MINDY3: variants seen among roughly 807,000 people sequenced by gnomAD.
MINDY3 encodes the protein ubiquitin carboxyl-terminal hydrolase MINDY-3.
A neutral mutation model predicts 69.2 loss-of-function variants in MINDY3; 38 were observed. That is an observed-to-expected ratio of 0.55 (90% CI 0.42 to 0.72). The LOEUF is 0.72. MINDY3 is among the 30% of genes least tolerant of loss of function. The pLI is 0.00. For missense variants in MINDY3, 522 were observed against 519.0 expected (o/e 1.01, Z -0.06); for synonymous variants, 192 against 180.1 (o/e 1.07, Z -0.53).
intron 13 of MINDY3, 64 bp from the exon 14 acceptor site, chr10:15,782,290 C>G: frequency 1.8e-6 from 2 of 1,122,310 alleles, no homozygotes; most frequent in Non-Finnish European, 2.6e-6. Context: ...TTCTAATCAA[C>G]TGAAAGTAAA....
chr10:15,820,882 G>C (rs1344502056), intron 9 of MINDY3, among the ~76,000 whole-genome samples: 1 of 152,138 alleles, frequency 6.6e-6, no homozygotes, highest in African/African-American at 2.4e-5. Context: ...AGCCAAGGTA[G>C]GAGAATAACT....
chr10:15,843,343 A>T, intron 2 of MINDY3, 71 bp from the exon 3 acceptor site: 1 of 1,279,602 alleles, frequency 7.8e-7, no homozygotes, highest in South Asian at 1.2e-5. Flanking sequence ...TCAATTTTAA[A>T]GTGGGAAAAA....
intron 8 of MINDY3, among the ~76,000 whole-genome samples, chr10:15,827,979 A>G (rs1173152684): frequency 6.6e-6 from 1 of 152,244 alleles, no homozygotes; most frequent in East Asian, 1.9e-4. Flanking sequence ...CCAGTTGATA[A>G]AGCAAATTTT....
chr10:15,829,681 C>T (rs577033916), intron 8 of MINDY3, among the ~76,000 whole-genome samples: 8 of 152,164 alleles, frequency 5.3e-5, no homozygotes, highest in African/African-American at 1.9e-4. Flanking sequence ...TGTCAGTTTG[C>T]AGAATATACT....
intron 8 of MINDY3, among the ~76,000 whole-genome samples, chr10:15,831,673 CTTTTTTTTTTT>C (rs10716234): frequency 8.2e-6 from 1 of 121,384 alleles, no homozygotes; most frequent in African/African-American, 3.4e-5. Context: ...GCCTCCTTTT[CTTTTTTTTTTT>C]TTTTTTTTTG....
At chr10:15,786,471 G>A (rs1378103460) in intron 13 of MINDY3, 90 bp downstream of exon 13, 2 of 814,618 alleles carry the variant, frequency 2.5e-6, no homozygotes, top group African/African-American at 1.7e-5. Context: ...TGCGCATTAG[G>A]ACATTGTACA....
intron 1 of MINDY3, among the ~76,000 whole-genome samples, chr10:15,859,188 G>A (rs1413907104): frequency 6.6e-6 from 1 of 152,144 alleles, no homozygotes; most frequent in Non-Finnish European, 1.5e-5. Flanking sequence ...CATGTGGGAG[G>A]GAGGGAGAGA....
chr10:15,787,840 C>T (rs999889491), intron 12 of MINDY3, among the ~76,000 whole-genome samples: 1 of 152,052 alleles, frequency 6.6e-6, no homozygotes, highest in Non-Finnish European at 1.5e-5. Flanking sequence ...AAGGCAGGGT[C>T]ATTTGTGTTT....
intron 10 of MINDY3, among the ~76,000 whole-genome samples, chr10:15,814,768 C>T (rs976250215): frequency 6.6e-6 from 1 of 151,996 alleles, no homozygotes; most frequent in Non-Finnish European, 1.5e-5. Context: ...GCACAATGGG[C>T]GAGTGCTATG....
intron 12 of MINDY3, among the ~76,000 whole-genome samples, chr10:15,787,179 T>C (rs1481423740): frequency 1.3e-5 from 2 of 152,136 alleles, no homozygotes; most frequent in East Asian, 1.9e-4. Context: ...GCTACATTAA[T>C]TCTCAAAGAG....
At chr10:15,789,160 T>G (rs1837217952) in intron 12 of MINDY3, 87 bp downstream of exon 12, 3 of 1,056,272 alleles carry the variant, frequency 2.8e-6, no homozygotes, top group Non-Finnish European at 4.3e-6. Context: ...AGATATAGAT[T>G]TTTAAAAAGG....
rs759506771 is a variant in MINDY3, at chr10:15,779,070, A to C, written c.1260T>G (p.Pro420=). Residue 420 remains proline (P), a synonymous_variant, in exon 15 of 15, where the codon CCT becomes CCG. Transcript: ENST00000277632. ...EDPMLQTDDT[P]IKRCLQTKWP... Reference sequence around the variant, plus strand: ...ATTTGGTTTGCAGACAGCGTTTAATAGGAGTGTCATCTGTCTGTAGCATGG... The same window carrying C: ...ATTTGGTTTGCAGACAGCGTTTAATCGGAGTGTCATCTGTCTGTAGCATGG... The C allele has an allele frequency of 2.5e-6, 4 of 1,613,612 alleles. No individual in the cohort carries two copies. In the South Asian group the frequency reaches 4.4e-5, roughly 18 times the overall value.
At chr10:15,785,749 A>G (rs1325641632) in intron 13 of MINDY3, among the ~76,000 whole-genome samples, 1 of 152,164 alleles carries the variant, frequency 6.6e-6, no homozygotes, top group Non-Finnish European at 1.5e-5. Flanking sequence ...ATCTTTTTTA[A>G]CAATTACATT....
intron 10 of MINDY3, among the ~76,000 whole-genome samples, chr10:15,803,702 C>A (rs114434750): frequency 0.015 from 2,280 of 152,166 alleles, 49 homozygotes; most frequent in African/African-American, 0.049. Flanking sequence ...CTTAAGGTCG[C>A]AGTCTAATAG....
intron 13 of MINDY3, among the ~76,000 whole-genome samples, 175 bp downstream of exon 13, chr10:15,786,386 C>T (rs1039057047): frequency 1.6e-4 from 25 of 152,232 alleles, no homozygotes; most frequent in Non-Finnish European, 2.8e-4. Context: ...CAAGGCACTG[C>T]GTTACCGTAT....
chr10:15,860,307 A>G lies in MINDY3; in HGVS notation c.-8T>C. The stretch of plus-strand genomic sequence containing the variant: ...TTTAGTCAGTTCGGACATGATGAGG[A>G]ACCGGCGGGCGGATCTTCGCTTTGC... On this transcript the variant is annotated 5_prime_UTR_variant, in exon 1 of 15. Coordinates refer to ENST00000277632, the MANE Select transcript of MINDY3 (RefSeq NM_024948.4). 2 of 1,586,990 alleles carry G rather than the reference A, an allele frequency of 1.3e-6. No homozygotes were observed. The highest frequency in any genetic ancestry group is 1.7e-6 in the Non-Finnish European group (2 of 1,165,114).
intron 13 of MINDY3, 49 bp from the exon 14 acceptor site, chr10:15,782,275 G>C: frequency 2.4e-6 from 3 of 1,254,404 alleles, no homozygotes; most frequent in Non-Finnish European, 3.4e-6. Flanking sequence ...TTTATATCAG[G>C]CAATTTCTAA....
At chr10:15,785,471 TAGC>T (rs1315275676) in intron 13 of MINDY3, among the ~76,000 whole-genome samples, 1 of 152,208 alleles carries the variant, frequency 6.6e-6, no homozygotes, top group East Asian at 1.9e-4. Context: ...AAAGTTCCGA[TAGC>T]AGCCTTGAAA....
At chr10:15,832,347 A>AAGAAGAAGAAAGACGGG (rs1832790277) in intron 8 of MINDY3, among the ~76,000 whole-genome samples, 1 of 152,204 alleles carries the variant, frequency 6.6e-6, no homozygotes, top group South Asian at 2.1e-4. Context: ...AAACAACTGG[A>AAGAAGAAGAAAGACGGG]AGAAGAAGAA....
Sources: allele counts gnomAD v4.1 joint callset (sites outside exome capture counted in the v4.1 genomes callset), GRCh38; gene constraint gnomAD v4.1.1; transcripts MANE v1.5; gene names NCBI Gene and HGNC (gene_info 2026-07-23, HGNC 2026-07-21).